ARHGAP6: variants seen among roughly 807,000 people sequenced by gnomAD.
The protein encoded by ARHGAP6 is Rho GTPase activating protein 6.
A neutral mutation model predicts 55.7 loss-of-function variants in ARHGAP6; 16 were observed. That is an observed-to-expected ratio of 0.29 (90% CI 0.19 to 0.44). The LOEUF (loss-of-function observed/expected upper bound fraction) is 0.44. ARHGAP6 is among the 20% of genes least tolerant of loss of function. The pLI is 1.00. For missense variants in ARHGAP6, 698 were observed against 808.9 expected, an observed-to-expected ratio of 0.86 and a Z score of 1.66; for synonymous variants, 382 against 360.9, an observed-to-expected ratio of 1.06 and a Z score of -0.66.
intron 1 of ARHGAP6, among the ~76,000 whole-genome samples, chrX:11,300,057 T>C (rs889122731): frequency 5.4e-5 from 6 of 112,116 alleles, no homozygotes; most frequent in African/African-American, 1.6e-4. Flanking sequence ...GAAAATTGAT[T>C]GAATCCCAAG....
At chrX:11,579,027 T>C (rs1402957370) in intron 1 of ARHGAP6, among the ~76,000 whole-genome samples, 1 of 57,389 alleles carries the variant, frequency 1.7e-5, no homozygotes, top group Non-Finnish European at 3.0e-5. Context: ...CCGGGGCCTG[T>C]CGTGGGGTGG....
intron 1 of ARHGAP6, chrX:11,427,815 AGAGGAG>A (rs775959764): frequency 0.18 from 35,403 of 191,407 alleles, 5,463 homozygotes; most frequent in African/African-American, 0.51. Flanking sequence ...GGGAGGGGGA[AGAGGAG>A]GAGGAGGAGG....
At chrX:11,355,111 T>C (rs1359932749) in intron 1 of ARHGAP6, among the ~76,000 whole-genome samples, 2 of 111,717 alleles carry the variant, frequency 1.8e-5, no homozygotes, top group African/African-American at 6.5e-5. Flanking sequence ...GAGCCAACAA[T>C]TGTCCGATAA....
chrX:11,482,646 T>C (rs184930706), intron 1 of ARHGAP6, among the ~76,000 whole-genome samples: 14 of 111,616 alleles, frequency 1.3e-4, no homozygotes, highest in African/African-American at 4.6e-4. Context: ...GCAGATGTCC[T>C]TGGGGCTCAG....
At chrX:11,591,903 G>C (rs1390011829) in intron 1 of ARHGAP6, among the ~76,000 whole-genome samples, 1 of 112,053 alleles carries the variant, frequency 8.9e-6, no homozygotes, top group Non-Finnish European at 1.9e-5. Context: ...TAGGGAAATA[G>C]TATGATTCAT....
intron 1 of ARHGAP6, among the ~76,000 whole-genome samples, chrX:11,655,390 A>G (rs1347447947): frequency 8.9e-6 from 1 of 112,041 alleles, no homozygotes; most frequent in Non-Finnish European, 1.9e-5. Flanking sequence ...CATTTCTCTT[A>G]GGTATATACC....
At chrX:11,575,794 C>T (rs2051589788) in intron 1 of ARHGAP6, among the ~76,000 whole-genome samples, 1 of 112,160 alleles carries the variant, frequency 8.9e-6, no homozygotes, top group Admixed American at 9.5e-5. Context: ...TACTCTACTA[C>T]ATGCCCAACC....
chrX:11,387,527 G>A (rs1291382381), intron 1 of ARHGAP6, among the ~76,000 whole-genome samples: 2 of 111,869 alleles, frequency 1.8e-5, no homozygotes, highest in Non-Finnish European at 3.8e-5. Flanking sequence ...GACTTAAGGA[G>A]CTTTAAAATT....
chrX:11,618,247 C>A (rs773394105), intron 1 of ARHGAP6, among the ~76,000 whole-genome samples: 1 of 111,629 alleles, frequency 9.0e-6, no homozygotes, highest in South Asian at 3.8e-4. Context: ...CAGTGAAATC[C>A]ATTTTAGACA....
intron 1 of ARHGAP6, among the ~76,000 whole-genome samples, chrX:11,531,929 T>G (rs1218196430): frequency 1.8e-5 from 2 of 112,380 alleles, no homozygotes; most frequent in Non-Finnish European, 3.8e-5. Flanking sequence ...ATTCTGAAGC[T>G]CAGGCCCCAT....
At chrX:11,477,161 T>TAA (rs34155965) in intron 1 of ARHGAP6, among the ~76,000 whole-genome samples, 12 of 86,626 alleles carry the variant, frequency 1.4e-4, no homozygotes, top group South Asian at 5.3e-4. Flanking sequence ...TCAAATATGA[T>TAA]AAAAAAAAAA....
chrX:11,607,878 G>C (rs2052054451), intron 1 of ARHGAP6, among the ~76,000 whole-genome samples: 1 of 112,287 alleles, frequency 8.9e-6, no homozygotes, highest in Non-Finnish European at 1.9e-5. Flanking sequence ...CAGCACATCT[G>C]ATACTACAGG....
At chrX:11,503,842 GCACACA>G (rs759110553) in intron 1 of ARHGAP6, among the ~76,000 whole-genome samples, 9 of 103,503 alleles carry the variant, frequency 8.7e-5, no homozygotes, top group Admixed American at 7.4e-4. Context: ...ATATCCATTT[GCACACA>G]CACACACACA....
chrX:11,150,024 A>G (rs1340125014), intron 10 of ARHGAP6, among the ~76,000 whole-genome samples: 1 of 111,918 alleles, frequency 8.9e-6, no homozygotes, highest in East Asian at 2.8e-4. Context: ...ATTTAAATAT[A>G]TATACCTGAG....
At chrX:11,429,008 T>C (rs2049917358) in intron 1 of ARHGAP6, among the ~76,000 whole-genome samples, 1 of 111,674 alleles carries the variant, frequency 9.0e-6, no homozygotes, top group South Asian at 3.8e-4. Context: ...TCTCATCATA[T>C]ACCAGAATGC....
At chrX:11,160,235 G>A (rs1339903322) in intron 9 of ARHGAP6, among the ~76,000 whole-genome samples, 1 of 108,355 alleles carries the variant, frequency 9.2e-6, no homozygotes, top group African/African-American at 3.4e-5. Flanking sequence ...AGATCACGAG[G>A]TCAGGAGATC....
chrX:11,614,073 A>G (rs1282407117), intron 1 of ARHGAP6, among the ~76,000 whole-genome samples: 1 of 110,477 alleles, frequency 9.1e-6, no homozygotes, highest in African/African-American at 3.3e-5. Context: ...CTATATGGCA[A>G]ATTCAGTAAA....
At chrX:11,253,212 A>T (rs2047445738) in intron 2 of ARHGAP6, among the ~76,000 whole-genome samples, 1 of 111,253 alleles carries the variant, frequency 9.0e-6, no homozygotes, top group Admixed American at 9.5e-5. Flanking sequence ...TGCAAAAACC[A>T]AAAGTATATC....
At chrX:11,638,605 G>C (rs751111064) in intron 1 of ARHGAP6, among the ~76,000 whole-genome samples, 13 of 111,163 alleles carry the variant, frequency 1.2e-4, no homozygotes, top group Non-Finnish European at 2.1e-4. Context: ...AGCATACAGA[G>C]AAAACAGGGC....
Sources: allele counts gnomAD v4.1 joint callset (sites outside exome capture counted in the v4.1 genomes callset), GRCh38; gene constraint gnomAD v4.1.1; transcripts MANE v1.5; gene names NCBI Gene and HGNC (gene_info 2026-07-23, HGNC 2026-07-21).